Variants in ARHGAP8 observed in about 807,000 individuals in gnomAD.
The protein encoded by ARHGAP8 is rho GTPase-activating protein 8.
In ARHGAP8, 62 loss-of-function variants were observed where a neutral mutation model predicts 46.1. The ratio of observed to expected loss-of-function variants is 1.34; its 90% CI spans 1.10 to 1.66. The LOEUF (loss-of-function observed/expected upper bound fraction) is 1.66. Among genes scored for constraint, ARHGAP8 ranks in the 40% most tolerant of loss-of-function variants. ARHGAP8 has a pLI of 0.00. For missense variants in ARHGAP8, 923 were observed against 568.4 expected, an observed-to-expected ratio of 1.62 and a Z score of -6.34; for synonymous variants, 375 against 243.1, an observed-to-expected ratio of 1.54 and a Z score of -5.05.
chr22:44,862,155 G>A (rs55910751), intron 11 of ARHGAP8, 120 bp from the exon 12 acceptor site: 14,738 of 1,241,942 alleles, frequency 0.012, 111 homozygotes, highest in Non-Finnish European at 0.013. Context: ...ACTGGCTGCC[G>A]GCTCCCAGTC....
chr22:44,822,175 T>C (rs193203160), intron 5 of ARHGAP8, among the ~76,000 whole-genome samples, 196 bp from the exon 6 acceptor site: 4 of 152,302 alleles, frequency 2.6e-5, no homozygotes, highest in Admixed American at 6.5e-5. Flanking sequence ...GCATTGGAGA[T>C]CTCGTGAAAG....
In ARHGAP8 at chr22:44,788,039, AAGG is replaced by A. The variant is rs201605211; in HGVS notation, c.79+1435_79+1437del. On this transcript the variant is annotated intron_variant, in intron 2 of 11. Transcript: ENST00000356099. ...AGATCCCCTGGCCAGGTGCCAACAG[AAGG>A]AAGGCAGGAAATATATATTTTTAAT... is the stretch of plus-strand genomic sequence containing the variant. Among the ~76,000 whole-genome samples the A allele has an allele frequency of 7.4e-3, 1,111 of 149,956 alleles. 5 individuals carry two copies. The highest frequency in any genetic ancestry group is 0.014 in the Middle Eastern group (4 of 284).
chr22:44,862,342 T>C lies in ARHGAP8; in HGVS notation c.1049T>C (p.Leu350Ser). The C allele has an allele frequency of 2.5e-6, 4 of 1,614,038 alleles. No homozygotes were observed. Among genetic ancestry groups the C allele is most frequent in the Non-Finnish European group, 3.4e-6 (4 of 1,179,940 alleles). The change falls in exon 12 of 12, where the codon TTG becomes TCG. Residue 350 changes from leucine to serine, a missense_variant. Leu to Ser is a moderately radical substitution (Grantham distance 145, BLOSUM62 -2). Transcript: ENST00000356099. ...CTGGCCTGTGTCTTCGGGCTGAATT[T>C]GATCTGGCCATCCCAGGGGGTCTCC... ...SNLACVFGLN[L>S]IWPSQGVSSL...
At chr22:44,804,768 G>A (rs143801781) in intron 3 of ARHGAP8, among the ~76,000 whole-genome samples, 1 of 152,220 alleles carries the variant, frequency 6.6e-6, no homozygotes, top group Non-Finnish European at 1.5e-5. Flanking sequence ...GAAGACTTTG[G>A]GCTGGTTGCT....
rs1162384091 is a variant in ARHGAP8 at position 44,761,023 on chromosome 22, A to C, written c.-72+8396A>C. On this transcript the variant is annotated intron_variant, in intron 1 of 11. Coordinates refer to ENST00000356099, the MANE Select transcript of ARHGAP8 (RefSeq NM_181335.3). ...GCCCACTGGCCAGGAGAAAGGGCCC[A>C]CTTGTAATGTCTGGTTTATTTTCAC... 2.6e-5 allele frequency among the ~76,000 whole-genome samples: 4 copies of C among 152,204 alleles called. No individual in the cohort carries two copies. In the South Asian group the frequency reaches 6.2e-4, roughly 24 times the overall value.
At chr22:44,857,540 G>A (rs2070263447) in intron 10 of ARHGAP8, among the ~76,000 whole-genome samples, 1 of 152,216 alleles carries the variant, frequency 6.6e-6, no homozygotes, top group South Asian at 2.1e-4. Context: ...CACTGAGTGT[G>A]CTGATGCCAG....
Position 44,834,877 on chromosome 22 carries a change from T to C in ARHGAP8, c.596+9284T>C, listed in dbSNP as rs941775683. Among the ~76,000 whole-genome samples, 3 of 152,192 alleles carry C rather than the reference T, an allele frequency of 2.0e-5. No homozygotes were observed. In the East Asian group the frequency reaches 5.8e-4, roughly 29 times the overall value. ...TGTCCTTCCTTGCCACTAGTAACAA[T>C]TTTTGTGTTAAAGTCTATTTTGTCG... On this transcript the variant is annotated intron_variant, in intron 7 of 11. Coordinates refer to ENST00000356099, the MANE Select transcript of ARHGAP8 (RefSeq NM_181335.3).
intron 11 of ARHGAP8, among the ~76,000 whole-genome samples, chr22:44,860,887 A>C (rs1167545215): frequency 6.6e-6 from 1 of 152,182 alleles, no homozygotes; most frequent in Non-Finnish European, 1.5e-5. Flanking sequence ...GCCTGAGCAG[A>C]GTAGGCGTCA....
chr22:44,812,542 A>C lies in ARHGAP8; in HGVS notation c.300-2130A>C, dbSNP rs557986702. ...CGGCTAATTTTTGTATTTTTAGTGG[A>C]GACGGGTTTTCACCATGTTGGCCAG... On this transcript the variant is annotated intron_variant, in intron 4 of 11. Coordinates refer to ENST00000356099, the MANE Select transcript of ARHGAP8 (RefSeq NM_181335.3). 2.8e-4 allele frequency among the ~76,000 whole-genome samples: 42 copies of C among 151,888 alleles called. No individual in the cohort carries two copies. The South Asian group carries it at 3.6e-3, about 13-fold the overall frequency.
chr22:44,859,341 C>T lies in ARHGAP8; in HGVS notation c.878-390C>T, dbSNP rs116098758. Among the ~76,000 whole-genome samples, 463 of 149,746 alleles carry T rather than the reference C, an allele frequency of 3.1e-3. 2 individuals are homozygous for T. Among genetic ancestry groups the T allele is most frequent in the African/African-American group, 0.011 (451 of 40,476 alleles). On this transcript the variant is annotated intron_variant, in intron 10 of 11. Transcript: ENST00000356099. The stretch of plus-strand genomic sequence containing the variant: ...GTTCTTACCAGATCTGGTTTAAAAG[C>T]ATGTGGCACCTCTGTCCCACTCTCT...
intron 7 of ARHGAP8, among the ~76,000 whole-genome samples, chr22:44,838,875 A>G (rs4823261): frequency 0.12 from 18,706 of 151,646 alleles, 1,334 homozygotes; most frequent in East Asian, 0.32. Context: ...CGTCAGTGCC[A>G]TTGGCTTGTA....
chr22:44,859,293 T>G (rs2070347888), intron 10 of ARHGAP8, among the ~76,000 whole-genome samples: 4 of 152,160 alleles, frequency 2.6e-5, no homozygotes, highest in Admixed American at 1.3e-4. Context: ...CCTCATGGGT[T>G]GGTGCTGTCC....
intron 1 of ARHGAP8, among the ~76,000 whole-genome samples, chr22:44,781,699 A>G (rs569221366): frequency 0.015 from 2,249 of 151,132 alleles, 64 homozygotes; most frequent in African/African-American, 0.052. Context: ...ATTTTTTTGT[A>G]TTTTTAGTAG....
Position 44,767,021 on chromosome 22 carries a change from A to G in ARHGAP8, c.-72+14394A>G, listed in dbSNP as rs555577673. ...AAAAAGTCTGGGCTTACCTGTGTCAAGGTAAAAGAAAATGCAGAGCCGGGA... is the reference window on the plus strand; with the variant it reads ...AAAAAGTCTGGGCTTACCTGTGTCAGGGTAAAAGAAAATGCAGAGCCGGGA... On this transcript the variant is annotated intron_variant, in intron 1 of 11. Coordinates refer to ENST00000356099, the MANE Select transcript of ARHGAP8 (RefSeq NM_181335.3). Among the ~76,000 whole-genome samples the G allele has an allele frequency of 4.6e-4, 70 of 152,334 alleles. No individual in the cohort carries two copies. The South Asian group carries it at 0.014, about 31-fold the overall frequency.
Position 44,802,073 on chromosome 22 carries a change from C to G in ARHGAP8, c.80-4C>G, listed in dbSNP as rs755422184. The G allele has an allele frequency of 1.2e-6, 2 of 1,614,112 alleles. No homozygotes were observed. Among genetic ancestry groups the G allele is most frequent in the Non-Finnish European group, 8.5e-7 (1 of 1,179,950 alleles). On this transcript the variant is annotated splice_region_variant and splice_polypyrimidine_tract_variant and intron_variant, in intron 2 of 11. Coordinates refer to ENST00000356099, the MANE Select transcript of ARHGAP8 (RefSeq NM_181335.3). ...CAGAGGCTCACCTGTGTCTGCTCCT[C>G]CAGGGGATGACCGCTTTGGAAGACG...
At chr22:44,849,135 A>T (rs537403511) in intron 10 of ARHGAP8, 75 bp downstream of exon 10, 1 of 1,599,652 alleles carries the variant, frequency 6.3e-7, no homozygotes, top group South Asian at 1.1e-5. Context: ...GCCCAGGGTC[A>T]GGCTCTGGGG....
intron 7 of ARHGAP8, among the ~76,000 whole-genome samples, chr22:44,842,301 G>A (rs9614578): frequency 0.053 from 8,107 of 152,284 alleles, 298 homozygotes; most frequent in African/African-American, 0.083. Flanking sequence ...AGGTTGCAGT[G>A]AGCAGAGATT....
intron 2 of ARHGAP8, among the ~76,000 whole-genome samples, chr22:44,797,217 C>CTT (rs370851544): frequency 0.082 from 10,482 of 127,852 alleles, 861 homozygotes; most frequent in African/African-American, 0.21. Flanking sequence ...TGCTACTTGG[C>CTT]TTTTTTTTTT....
intron 6 of ARHGAP8, among the ~76,000 whole-genome samples, chr22:44,824,117 A>T (rs1930341485): frequency 1.3e-5 from 2 of 152,062 alleles, no homozygotes; most frequent in South Asian, 4.2e-4. Flanking sequence ...AGAGGCTGAG[A>T]CCCACTGGCA....
Sources: allele counts gnomAD v4.1 joint callset (sites outside exome capture counted in the v4.1 genomes callset), GRCh38; gene constraint gnomAD v4.1.1; transcripts MANE v1.5; gene names NCBI Gene and HGNC (gene_info 2026-07-23, HGNC 2026-07-21).